SCTR: variants seen among roughly 807,000 people sequenced by gnomAD.
SCTR encodes pancreatic secretin receptor.
Under a neutral mutation model 60.8 loss-of-function variants are expected in SCTR, and 56 were observed. The observed-to-expected ratio is 0.92, with a 90% CI of 0.74 to 1.15. The LOEUF is 1.15. Ranked by LOEUF, SCTR falls within the 50% of genes most tolerant of loss-of-function variation. The probability of loss-of-function intolerance (pLI) is 0.00; values close to 1 mark genes in which losing one functional copy is unlikely to be tolerated. For missense variants in SCTR, 562 were observed against 550.4 expected (o/e 1.02, Z -0.21); for synonymous variants, 202 against 217.0 (o/e 0.93, Z 0.61).
intron 1 of SCTR, among the ~76,000 whole-genome samples, chr2:119,504,782 C>T (rs1271916692): frequency 1.3e-5 from 2 of 151,870 alleles, no homozygotes; most frequent in African/African-American, 4.8e-5. Context: ...GATGAAGAGA[C>T]AAGCTATGGA....
chr2:119,467,364 C>T (rs1160773775), intron 4 of SCTR, among the ~76,000 whole-genome samples: 1 of 149,738 alleles, frequency 6.7e-6, no homozygotes, highest in Non-Finnish European at 1.5e-5. Context: ...GGGCTGGAGA[C>T]CCTGTCTCAA....
intron 3 of SCTR, among the ~76,000 whole-genome samples, chr2:119,474,516 C>T (rs901257995): frequency 6.6e-6 from 1 of 152,168 alleles, no homozygotes; most frequent in East Asian, 1.9e-4. Context: ...CAGCTCAGGC[C>T]GGTGTAAGTG....
At chr2:119,462,081 G>A in intron 6 of SCTR, 81 bp from the exon 7 acceptor site, 2 of 1,384,812 alleles carry the variant, frequency 1.4e-6, no homozygotes, top group Non-Finnish European at 2.0e-6. Context: ...GGAGCAACAG[G>A]GTGTTGTAGG....
chr2:119,477,390 G>A (rs966492980), intron 3 of SCTR, among the ~76,000 whole-genome samples: 1 of 152,158 alleles, frequency 6.6e-6, no homozygotes, highest in African/African-American at 2.4e-5. Context: ...CCGTGTAGAG[G>A]AGAGCTGCCT....
intron 2 of SCTR, among the ~76,000 whole-genome samples, chr2:119,483,630 C>T (rs1677733181): frequency 6.6e-6 from 1 of 152,216 alleles, no homozygotes; most frequent in Non-Finnish European, 1.5e-5. Flanking sequence ...CATGGTTGAA[C>T]ATTTTTTCAT....
At chr2:119,511,446 T>C (rs1156630992) in intron 1 of SCTR, among the ~76,000 whole-genome samples, 1 of 152,214 alleles carries the variant, frequency 6.6e-6, no homozygotes, top group Admixed American at 6.5e-5. Flanking sequence ...AGTCAAATCA[T>C]GTAAAATGAT....
chr2:119,479,152 G>C (rs1232648204), intron 2 of SCTR: 7 of 1,035,186 alleles, frequency 6.8e-6, no homozygotes, highest in Non-Finnish European at 7.4e-6. Context: ...GTAAGAAAGG[G>C]AGGGAGGAAG....
chr2:119,441,511 A>G lies in SCTR; in HGVS notation c.1182+47T>C, dbSNP rs376226924. ...GTAGCTCCTTCTGACCCGGAAACCA[A>G]TGGCTAGGAGCTCTCCTGGGTACCT... On this transcript the variant is annotated intron_variant, in intron 12 of 12. Transcript: ENST00000019103. 1.1e-4 allele frequency: 164 copies of G among 1,521,634 alleles called. No individual in the cohort carries two copies. In the African/African-American group the frequency reaches 2.0e-3, roughly 19 times the overall value. 94.3% of individuals were successfully genotyped at this position (1,521,634 alleles called of 1,614,324 possible).
At chr2:119,474,700 C>A (rs1295596473) in intron 3 of SCTR, among the ~76,000 whole-genome samples, 2 of 152,248 alleles carry the variant, frequency 1.3e-5, no homozygotes, top group African/African-American at 4.8e-5. Context: ...CAGTGCCCCA[C>A]TGAAGGAGGT....
chr2:119,454,397 A>G (rs545869769), intron 7 of SCTR, among the ~76,000 whole-genome samples: 1 of 152,276 alleles, frequency 6.6e-6, no homozygotes, highest in South Asian at 2.1e-4. Context: ...GCTGCAGCCC[A>G]GCAGAGGGTT....
chr2:119,484,676 T>C (rs1447978933), intron 2 of SCTR: 1 of 152,088 alleles, frequency 6.6e-6, no homozygotes, highest in Non-Finnish European at 1.5e-5. Context: ...TTTTTTTTGT[T>C]TGTTTGTTTG....
intron 2 of SCTR, among the ~76,000 whole-genome samples, chr2:119,493,405 G>T (rs1223458318): frequency 6.6e-6 from 1 of 152,082 alleles, no homozygotes; most frequent in African/African-American, 2.4e-5. Context: ...CCTGGCAGTG[G>T]GTTCTTAATG....
intron 2 of SCTR, among the ~76,000 whole-genome samples, chr2:119,490,722 G>A (rs1172133801): frequency 2.0e-5 from 3 of 152,182 alleles, no homozygotes; most frequent in Non-Finnish European, 4.4e-5. Context: ...TACCTCTCCA[G>A]CCCTTGCAGT....
At chr2:119,519,264 C>G (rs1372848339) in intron 1 of SCTR, among the ~76,000 whole-genome samples, 1 of 152,146 alleles carries the variant, frequency 6.6e-6, no homozygotes, top group African/African-American at 2.4e-5. Flanking sequence ...CATGGGCCAC[C>G]GCGCTCCGCC....
intron 3 of SCTR, 56 bp from the exon 4 acceptor site, chr2:119,473,612 A>G (rs547135617): frequency 2.6e-5 from 27 of 1,058,388 alleles, no homozygotes; most frequent in Middle Eastern, 4.0e-4. Flanking sequence ...TGTGATTTTC[A>G]TAGTAACATC....
At chr2:119,505,934 G>A (rs868343138) in intron 1 of SCTR, among the ~76,000 whole-genome samples, 1 of 152,056 alleles carries the variant, frequency 6.6e-6, no homozygotes, top group Non-Finnish European at 1.5e-5. Context: ...TAGCTATTAG[G>A]TAAATCCAAA....
intron 2 of SCTR, among the ~76,000 whole-genome samples, chr2:119,484,523 A>G (rs1677775726): frequency 6.6e-6 from 1 of 152,150 alleles, no homozygotes; most frequent in African/African-American, 2.4e-5. Context: ...TTTGGGTATG[A>G]CACTTAACCT....
At chr2:119,512,092 T>C (rs1678964739) in intron 1 of SCTR, among the ~76,000 whole-genome samples, 5 of 152,228 alleles carry the variant, frequency 3.3e-5, no homozygotes, top group Admixed American at 3.3e-4. Flanking sequence ...GATTGGATAC[T>C]CAGTCAGCAT....
At chr2:119,503,513 G>A (rs1678626303) in intron 1 of SCTR, among the ~76,000 whole-genome samples, 2 of 152,136 alleles carry the variant, frequency 1.3e-5, no homozygotes. Flanking sequence ...TCCAGTCTGG[G>A]GGACAGAGTG....
Sources: allele counts gnomAD v4.1 joint callset (sites outside exome capture counted in the v4.1 genomes callset), GRCh38; gene constraint gnomAD v4.1.1; transcripts MANE v1.5; gene names NCBI Gene and HGNC (gene_info 2026-07-23, HGNC 2026-07-21).